The following SPTA1 variants were observed in gnomAD, a reference collection of about 807,000 sequenced individuals.
The protein encoded by SPTA1 is spectrin alpha chain, erythrocytic 1.
In SPTA1, 177 loss-of-function variants were observed where a neutral mutation model predicts 324.7. The ratio of observed to expected loss-of-function variants is 0.55; its 90% confidence interval spans 0.48 to 0.62. The LOEUF (loss-of-function observed/expected upper bound fraction) is 0.62. Among genes scored for constraint, SPTA1 ranks in the 20% least tolerant of loss-of-function variants. SPTA1 has a pLI of 0.00. For missense variants in SPTA1, 3,162 were observed against 2,883.6 expected, an observed-to-expected ratio of 1.10 and a Z score of -2.21; for synonymous variants, 1,195 against 1,041.3, an observed-to-expected ratio of 1.15 and a Z score of -2.84.
In SPTA1 at chr1:158,618,188, A is replaced by G. The variant is rs1649695360; in HGVS notation, c.6531-132T>C. On this transcript the variant is annotated intron_variant, in intron 45 of 51. Coordinates refer to ENST00000643759, the MANE Select transcript of SPTA1 (RefSeq NM_003126.4). ...AAATCTTTTGTTGCCACAAAACATG[A>G]ATCTGTCCACCCACTGGTTCCCAAG... is the stretch of plus-strand genomic sequence containing the variant. 11 of 985,454 alleles carry G rather than the reference A, an allele frequency of 1.1e-5. No individual in the cohort carries two copies. In the Admixed American group the frequency reaches 1.9e-4, roughly 17 times the overall value. The allele number at this position is 985,454 out of a possible 1,614,324, so 61.0% of individuals were successfully genotyped here.
chr1:158,667,793 A>T (rs1263078910), intron 15 of SPTA1, 65 bp downstream of exon 15: 1 of 1,539,148 alleles, frequency 6.5e-7, no homozygotes, highest in Non-Finnish European at 8.9e-7. Context: ...TTACAGTGGT[A>T]AAGATAAAGG....
chr1:158,672,103 A>T lies in SPTA1; in HGVS notation c.1444T>A (p.Tyr482Asn). Residue 482 changes from tyrosine (Y) to asparagine (N), a missense_variant, in exon 11 of 52, where the codon TAC becomes AAC. Coordinates refer to ENST00000643759, the MANE Select transcript of SPTA1 (RefSeq NM_003126.4). ...YEQCLDFHLF[Y>N]RDSEQVDSWM... ...CTGTCCACTTGCTCACTGTCTCTGT[A>T]GAAGAGATGAAAGTCCAAGCACTGC... The T allele has an allele frequency of 1.9e-6, 3 of 1,614,106 alleles. No individual in the cohort carries two copies. The highest frequency in any genetic ancestry group is 1.7e-6 in the Non-Finnish European group (2 of 1,179,966).
In SPTA1 at chr1:158,626,239, A is replaced by G; in HGVS notation, c.5834-17T>C. The G allele has an allele frequency of 6.2e-7, 1 of 1,612,366 alleles. No individual in the cohort carries two copies. The highest frequency in any genetic ancestry group is 2.2e-5 in the East Asian group (1 of 44,798). ...CCTTATCAGCTAAAAGGCAAAAACA[A>G]TTAAGAAGAGAAAGACATTTGGTCT... On this transcript the variant is annotated splice_polypyrimidine_tract_variant and intron_variant, in intron 41 of 51. Coordinates refer to ENST00000643759, the MANE Select transcript of SPTA1 (RefSeq NM_003126.4).
At chr1:158,639,484 G>A in intron 35 of SPTA1, 98 bp downstream of exon 35, 1 of 1,256,912 alleles carries the variant, frequency 8.0e-7, no homozygotes, top group South Asian at 1.2e-5. Flanking sequence ...GAACAATTTT[G>A]CAAGGCTATG....
chr1:158,627,763 C>A, intron 39 of SPTA1, 40 bp from the exon 40 acceptor site: 2 of 1,584,406 alleles, frequency 1.3e-6, no homozygotes, highest in South Asian at 1.1e-5. Flanking sequence ...TATCCAAAGC[C>A]GGAAAATCTA....
chr1:158,622,715 C>G (rs899558307), intron 43 of SPTA1: 3 of 421,230 alleles, frequency 7.1e-6, no homozygotes, highest in Non-Finnish European at 1.3e-5. Flanking sequence ...ACACAAAGAC[C>G]TCCCATCCTC....
chr1:158,674,776 T>C, intron 8 of SPTA1, 101 bp from the exon 9 acceptor site: 1 of 1,464,000 alleles, frequency 6.8e-7, no homozygotes, highest in East Asian at 2.3e-5. Context: ...TGTGAGATGC[T>C]CCTTACTCTA....
intron 35 of SPTA1, among the ~76,000 whole-genome samples, chr1:158,638,557 C>A (rs145272402): frequency 1.3e-5 from 2 of 152,128 alleles, no homozygotes; most frequent in East Asian, 3.9e-4. Context: ...GTGGCTCATG[C>A]CTGTAATCCC....
At chr1:158,633,863 C>T (rs140933616) in intron 39 of SPTA1, among the ~76,000 whole-genome samples, 6 of 152,148 alleles carry the variant, frequency 3.9e-5, no homozygotes, top group African/African-American at 1.4e-4. Context: ...TTTTGCAAGT[C>T]TAAGCCTTTC....
chr1:158,677,521 C>A (rs868238289), intron 7 of SPTA1, among the ~76,000 whole-genome samples, 169 bp downstream of exon 7: 8 of 152,264 alleles, frequency 5.3e-5, no homozygotes, highest in Non-Finnish European at 8.8e-5. Context: ...CCAGTATCCA[C>A]ATACGAGTTA....
intron 43 of SPTA1, among the ~76,000 whole-genome samples, chr1:158,621,083 C>T (rs977321489): frequency 6.6e-6 from 1 of 152,152 alleles, no homozygotes; most frequent in African/African-American, 2.4e-5. Flanking sequence ...TACCCTCTAA[C>T]CTGTATCCTT....
rs376852734 is a variant in SPTA1 at position 158,643,273 on chromosome 1, A to G, written c.4442+49T>C. 10 of 1,595,276 alleles carry G rather than the reference A, an allele frequency of 6.3e-6. No individual in the cohort carries two copies. The African/African-American group carries it at 1.3e-4, about 21-fold the overall frequency. ...CCATCTCAATGCTAGCAAAAAGGTC[A>G]GTTTGCTATATCTTCCTTTGGCACA... On this transcript the variant is annotated intron_variant, in intron 31 of 51. Coordinates refer to ENST00000643759, the MANE Select transcript of SPTA1 (RefSeq NM_003126.4).
At chr1:158,663,564 A>T (rs1352857917) in intron 16 of SPTA1, among the ~76,000 whole-genome samples, 3 of 152,184 alleles carry the variant, frequency 2.0e-5, no homozygotes, top group Admixed American at 1.3e-4. Context: ...TTTTAGTTGT[A>T]TACCTATATG....
intron 2 of SPTA1, among the ~76,000 whole-genome samples, chr1:158,683,936 T>C (rs1339111451): frequency 6.6e-6 from 1 of 152,120 alleles, no homozygotes; most frequent in Non-Finnish European, 1.5e-5. Context: ...ATTTTGCTCT[T>C]GTTCTAGGTG....
At chr1:158,612,625 T>A in intron 51 of SPTA1, 192 bp downstream of exon 51, 1 of 627,860 alleles carries the variant, frequency 1.6e-6, no homozygotes, top group East Asian at 2.8e-5. Context: ...TTCAATAGAG[T>A]ACCACAGTAC....
Position 158,638,259 on chromosome 1 carries a change from A to G in SPTA1, c.4981-18T>C. The G allele has an allele frequency of 6.2e-7, 1 of 1,606,700 alleles. No homozygotes were observed. Among genetic ancestry groups the G allele is most frequent in the Non-Finnish European group, 8.5e-7 (1 of 1,178,622 alleles). On this transcript the variant is annotated intron_variant, in intron 35 of 51. Transcript: ENST00000643759. ...AGTGCATCCTAGAAAGTCTCGGGATACTCAGTGAATAGTATAGTATAGGCA... is the reference window on the plus strand; with the variant it reads ...AGTGCATCCTAGAAAGTCTCGGGATGCTCAGTGAATAGTATAGTATAGGCA...
chr1:158,676,130 G>T lies in SPTA1; in HGVS notation c.1112+11C>A. The stretch of plus-strand genomic sequence containing the variant: ...AGATAGGTAGAGCAATAAAGGGGAG[G>T]GATTTCCCACCAATAAGTAGCCTGC... On this transcript the variant is annotated intron_variant, in intron 8 of 51. Coordinates refer to ENST00000643759, the MANE Select transcript of SPTA1 (RefSeq NM_003126.4). 6.2e-7 allele frequency: 1 copy of T among 1,613,218 alleles called. No individual in the cohort carries two copies. Among genetic ancestry groups the T allele is most frequent in the South Asian group, 1.1e-5 (1 of 91,050 alleles).
At chr1:158,675,577 C>G (rs533333456) in intron 8 of SPTA1, among the ~76,000 whole-genome samples, 1 of 152,106 alleles carries the variant, frequency 6.6e-6, no homozygotes, top group African/African-American at 2.4e-5. Flanking sequence ...TACATTTTTT[C>G]ATATACCTAT....
intron 12 of SPTA1, 31 bp from the exon 13 acceptor site, chr1:158,669,817 T>C: frequency 6.2e-7 from 1 of 1,607,374 alleles, no homozygotes; most frequent in East Asian, 2.2e-5. Context: ...ATGAATGCTT[T>C]TCCTTCAGTG....
Sources: gnomAD v4.1 joint callset for allele counts (sites outside exome capture counted in the v4.1 genomes callset) on GRCh38, gnomAD v4.1.1 for gene constraint, MANE v1.5 for transcripts, NCBI Gene and HGNC (gene_info 2026-07-23, HGNC 2026-07-21) for gene names.